DOCK11: variants seen among roughly 807,000 people sequenced by gnomAD.
DOCK11 encodes the protein dedicator of cytokinesis 11, also known as dedicator of cytokinesis protein 11.
Under a neutral mutation model 169.1 loss-of-function variants are expected in DOCK11, and 70 were observed. The observed-to-expected ratio is 0.41, with a 90% CI of 0.34 to 0.51. The LOEUF (loss-of-function observed/expected upper bound fraction) is 0.51, where lower values mean the gene tolerates loss of function less well. DOCK11 is among the 20% of genes least tolerant of loss of function. The pLI, the probability that DOCK11 is intolerant of heterozygous loss-of-function variation, is 0.10. For missense variants in DOCK11, 1,166 were observed against 1,538.8 expected (o/e 0.76, Z 4.05); for synonymous variants, 529 against 541.3 (o/e 0.98, Z 0.32).
intron 35 of DOCK11, chrX:118,633,949 A>G (rs1398215472): frequency 1.8e-5 from 2 of 112,832 alleles, no homozygotes; most frequent in Non-Finnish European, 1.9e-5. Flanking sequence ...GTTGGATTTC[A>G]TAATAGTCTT....
At chrX:118,560,317 C>G (rs947228576) in intron 6 of DOCK11, among the ~76,000 whole-genome samples, 2 of 111,667 alleles carry the variant, frequency 1.8e-5, no homozygotes, top group Non-Finnish European at 3.8e-5. Context: ...AAATAATACT[C>G]TTTCCATAAT....
At chrX:118,618,453 C>A in intron 30 of DOCK11, 97 bp from the exon 31 acceptor site, 2 of 649,625 alleles carry the variant, frequency 3.1e-6, no homozygotes, top group Non-Finnish European at 4.4e-6. Flanking sequence ...ATAGCTCTTG[C>A]TAGCATGATC....
At chrX:118,550,841 G>T (rs781379284) in intron 6 of DOCK11, among the ~76,000 whole-genome samples, 4 of 112,270 alleles carry the variant, frequency 3.6e-5, no homozygotes, top group Non-Finnish European at 5.6e-5. Context: ...TGAGACAAAG[G>T]GTTGACAGAG....
At chrX:118,507,072 A>C (rs1178171402) in intron 1 of DOCK11, among the ~76,000 whole-genome samples, 3 of 112,512 alleles carry the variant, frequency 2.7e-5, no homozygotes, top group African/African-American at 9.7e-5. Context: ...ATTTCCTGCG[A>C]TTCTTCTCCA....
intron 1 of DOCK11, among the ~76,000 whole-genome samples, chrX:118,521,236 T>TG (rs1257979348): frequency 8.9e-6 from 1 of 112,462 alleles, no homozygotes. Flanking sequence ...TGTGGAATAT[T>TG]GGGAAACTTA....
intron 31 of DOCK11, 35 bp from the exon 32 acceptor site, chrX:118,624,504 A>C: frequency 2.4e-6 from 2 of 850,907 alleles, no homozygotes; most frequent in Non-Finnish European, 1.7e-6. Context: ...TATACATATT[A>C]TATACGTATT....
rs757966364 is a variant in DOCK11 at position 118,566,555 on chromosome X, G to A, written c.872-19G>A. ...ATGGTCTGTATGGTTTAGAACATCT[G>A]CTTTTAATGAATTTGCAGATGATGA... On this transcript the variant is annotated intron_variant, in intron 8 of 52. Transcript: ENST00000276202. 1 of 1,202,069 alleles carries A rather than the reference G, an allele frequency of 8.3e-7. No individual in the cohort carries two copies. Among genetic ancestry groups the A allele is most frequent in the African/African-American group, 1.8e-5 (1 of 57,085 alleles).
intron 31 of DOCK11, among the ~76,000 whole-genome samples, chrX:118,620,537 T>G (rs1436517643): frequency 7.1e-5 from 8 of 112,357 alleles, no homozygotes; most frequent in African/African-American, 2.6e-4. Flanking sequence ...AAGATGTAAT[T>G]TATTGCTTAC....
At chrX:118,557,618 G>T (rs1441330619) in intron 6 of DOCK11, among the ~76,000 whole-genome samples, 1 of 107,849 alleles carries the variant, frequency 9.3e-6, no homozygotes, top group African/African-American at 3.4e-5. Context: ...ACAAAAATTA[G>T]CCGGGCATGG....
intron 51 of DOCK11, among the ~76,000 whole-genome samples, chrX:118,682,073 G>A (rs1036566893): frequency 3.6e-5 from 4 of 111,049 alleles, no homozygotes; most frequent in Admixed American, 9.7e-5. Flanking sequence ...ACAAGCCTAT[G>A]TTCCTTATGT....
Position 118,496,033 on chromosome X carries a change from G to A in DOCK11, c.62G>A (p.Arg21Gln). The A allele has an allele frequency of 9.2e-7, 1 of 1,092,518 alleles. No homozygotes were observed. Among genetic ancestry groups the A allele is most frequent in the Non-Finnish European group, 1.2e-6 (1 of 841,601 alleles). 90.0% of individuals were successfully genotyped at this position (1,092,518 alleles called of 1,213,427 possible). The change falls in exon 1 of 53, where the codon CGG (arginine) becomes CAG (glutamine). Residue 21 changes from arginine (R) to glutamine (Q), a missense_variant. Coordinates refer to ENST00000276202, the MANE Select transcript of DOCK11 (RefSeq NM_144658.4). ...LSKPGTAAEL[R>Q]QSVSEAVRGS... ...AAGCCTGGCACGGCGGCTGAGCTCC[G>A]GCAGAGCGTGTCTGAGGCCGTGCGG...
intron 1 of DOCK11, among the ~76,000 whole-genome samples, chrX:118,540,909 C>A (rs2147343665): frequency 9.0e-6 from 1 of 111,681 alleles, no homozygotes; most frequent in South Asian, 3.7e-4. Context: ...GAAATAATTT[C>A]ATATGAAACA....
At chrX:118,606,694 C>T (rs988171210) in intron 24 of DOCK11, among the ~76,000 whole-genome samples, 1 of 111,904 alleles carries the variant, frequency 8.9e-6, no homozygotes, top group Non-Finnish European at 1.9e-5. Context: ...GCGGGCATCG[C>T]TGCTGTTGGG....
At position 118,505,644 on chromosome X, in the gene DOCK11, C is replaced by T. The variant is rs188273336; in HGVS notation, c.102+9571C>T. On this transcript the variant is annotated intron_variant, in intron 1 of 52. Transcript: ENST00000276202. ...TCTGCATGAGGTTCTTGCCAATACC[C>T]GTTCCCAGTCTGACTTAGTCATACT... Among the ~76,000 whole-genome samples the T allele has an allele frequency of 3.9e-3, 440 of 112,256 alleles. 3 individuals are homozygous for T. The highest frequency in any genetic ancestry group is 7.0e-3 in the Non-Finnish European group (374 of 53,217).
chrX:118,541,032 G>A (rs1179175945), intron 1 of DOCK11, among the ~76,000 whole-genome samples: 1 of 111,376 alleles, frequency 9.0e-6, no homozygotes, highest in Non-Finnish European at 1.9e-5. Flanking sequence ...ATGACTGGAT[G>A]TCTACCGTGT....
At chrX:118,581,009 G>T (rs191314431) in intron 14 of DOCK11, among the ~76,000 whole-genome samples, 3 of 112,185 alleles carry the variant, frequency 2.7e-5, no homozygotes, top group African/African-American at 9.7e-5. Context: ...CTGATGGTAG[G>T]TTACATTATT....
intron 37 of DOCK11, among the ~76,000 whole-genome samples, chrX:118,638,814 A>T (rs2015454366): frequency 8.9e-6 from 1 of 111,857 alleles, no homozygotes; most frequent in Non-Finnish European, 1.9e-5. Flanking sequence ...TGGAGCTGGT[A>T]TGGCCATTGT....
chrX:118,646,053 CAAAAAA>C (rs754457760), intron 40 of DOCK11, among the ~76,000 whole-genome samples: 3 of 38,995 alleles, frequency 7.7e-5, no homozygotes, highest in Non-Finnish European at 9.3e-5. Context: ...GAGACTTCGT[CAAAAAA>C]AAAAAAAAAA....
chrX:118,535,607 G>T (rs747155011), intron 1 of DOCK11, among the ~76,000 whole-genome samples: 1 of 111,330 alleles, frequency 9.0e-6, no homozygotes, highest in Non-Finnish European at 1.9e-5. Context: ...AGCGAGGAGG[G>T]CTATGCTATC....
Sources: allele counts gnomAD v4.1 joint callset (sites outside exome capture counted in the v4.1 genomes callset), GRCh38; gene constraint gnomAD v4.1.1; transcripts MANE v1.5; gene names NCBI Gene and HGNC (gene_info 2026-07-23, HGNC 2026-07-21).